Variants in PTPRR observed in about 807,000 individuals in gnomAD.
PTPRR encodes receptor-type tyrosine-protein phosphatase R.
A neutral mutation model predicts 77.2 loss-of-function variants in PTPRR; 38 were observed. That is an observed-to-expected ratio of 0.49 (90% CI 0.38 to 0.65). The LOEUF (loss-of-function observed/expected upper bound fraction) is 0.65, where lower values mean the gene tolerates loss of function less well. PTPRR is among the 30% of genes least tolerant of loss of function. PTPRR has a pLI of 0.00. For synonymous variants in PTPRR, 299 were observed against 283.1 expected (o/e 1.06, Z -0.57); for missense variants, 744 against 799.2 (o/e 0.93, Z 0.83).
chr12:70,900,497 C>T (rs773364764), intron 1 of PTPRR, among the ~76,000 whole-genome samples: 35 of 151,256 alleles, frequency 2.3e-4, no homozygotes, highest in Non-Finnish European at 1.5e-4. Flanking sequence ...CCCAAAAGCA[C>T]AGGCAACTGA....
intron 10 of PTPRR, among the ~76,000 whole-genome samples, chr12:70,664,144 T>C (rs1886894701): frequency 6.6e-6 from 1 of 152,184 alleles, no homozygotes; most frequent in Non-Finnish European, 1.5e-5. Context: ...ATGAAGTAAA[T>C]TGTTTCAGCT....
chr12:70,772,864 C>T (rs1513095), intron 2 of PTPRR, among the ~76,000 whole-genome samples: 33,735 of 151,882 alleles, frequency 0.22, 4,240 homozygotes, highest in Admixed American at 0.3. Flanking sequence ...TAAAATTTAT[C>T]TTACTTTATT....
chr12:70,741,449 A>G (rs1463480195), intron 6 of PTPRR, among the ~76,000 whole-genome samples: 1 of 152,206 alleles, frequency 6.6e-6, no homozygotes, highest in Non-Finnish European at 1.5e-5. Flanking sequence ...GGCTTCCAAG[A>G]GGAAGTGATG....
At chr12:70,730,908 G>A (rs1212354939) in intron 6 of PTPRR, among the ~76,000 whole-genome samples, 2 of 149,204 alleles carry the variant, frequency 1.3e-5, no homozygotes, top group African/African-American at 4.9e-5. Context: ...GAGAGAGAGA[G>A]ACAGAGAATG....
At chr12:70,895,060 C>T (rs1893403233) in intron 1 of PTPRR, among the ~76,000 whole-genome samples, 1 of 151,482 alleles carries the variant, frequency 6.6e-6, no homozygotes, top group South Asian at 2.1e-4. Context: ...AGAAAATAAC[C>T]CATCTTTATA....
At chr12:70,824,873 A>G (rs754348579) in intron 2 of PTPRR, among the ~76,000 whole-genome samples, 10 of 152,204 alleles carry the variant, frequency 6.6e-5, no homozygotes, top group Non-Finnish European at 1.5e-4. Context: ...AATCATGAAC[A>G]TCTTAAGTGC....
At chr12:70,825,490 T>C (rs907754) in intron 2 of PTPRR, among the ~76,000 whole-genome samples, 7,879 of 152,078 alleles carry the variant, frequency 0.052, 682 homozygotes, top group African/African-American at 0.18. Context: ...GAATCAGCCC[T>C]CTACCACCCA....
At chr12:70,805,191 G>T (rs1018058098) in intron 2 of PTPRR, among the ~76,000 whole-genome samples, 1 of 151,936 alleles carries the variant, frequency 6.6e-6, no homozygotes, top group African/African-American at 2.4e-5. Flanking sequence ...AGATCTTACT[G>T]ATGGACATTT....
In PTPRR at chr12:70,803,517, G is replaced by A. The variant is rs116132446; in HGVS notation, c.358-38739C>T. On this transcript the variant is annotated intron_variant, in intron 2 of 13. Coordinates refer to ENST00000283228, the MANE Select transcript of PTPRR (RefSeq NM_002849.4). ...AACATGTAACAACTTGAAGCTTGTG[G>A]TAAAAAGATCAGTTGGAAGATCTCA... 2.3e-3 allele frequency among the ~76,000 whole-genome samples: 347 copies of A among 152,250 alleles called. 2 individuals are homozygous for A. Among genetic ancestry groups the A allele is most frequent in the Middle Eastern group, 0.01 (3 of 294 alleles).
intron 2 of PTPRR, among the ~76,000 whole-genome samples, chr12:70,841,800 T>C (rs1892402606): frequency 6.6e-6 from 1 of 152,170 alleles, no homozygotes; most frequent in Non-Finnish European, 1.5e-5. Flanking sequence ...TTTCTCATGG[T>C]ATTAGTTTTC....
At chr12:70,644,336 A>G (rs78492205) in intron 13 of PTPRR, among the ~76,000 whole-genome samples, 5,470 of 152,296 alleles carry the variant, frequency 0.036, 302 homozygotes, top group African/African-American at 0.12. Flanking sequence ...GTTTACCAAA[A>G]AAGAGTAAGG....
At chr12:70,868,641 G>C (rs1442201527) in intron 2 of PTPRR, among the ~76,000 whole-genome samples, 5 of 151,940 alleles carry the variant, frequency 3.3e-5, no homozygotes, top group Non-Finnish European at 7.4e-5. Flanking sequence ...ATTCCTCAGG[G>C]ATCTAGAACT....
intron 6 of PTPRR, among the ~76,000 whole-genome samples, chr12:70,723,008 C>T (rs183858864): frequency 3.9e-5 from 6 of 152,210 alleles, no homozygotes; most frequent in African/African-American, 1.4e-4. Context: ...TTTAGATGTG[C>T]GGGTCAACAA....
intron 2 of PTPRR, among the ~76,000 whole-genome samples, chr12:70,875,291 G>A (rs546350876): frequency 5.0e-4 from 76 of 152,288 alleles, no homozygotes; most frequent in African/African-American, 1.8e-3. Flanking sequence ...ATATGGATAT[G>A]TGTAGGTATA....
intron 11 of PTPRR, among the ~76,000 whole-genome samples, chr12:70,662,172 A>G (rs1886822012): frequency 6.6e-6 from 1 of 152,270 alleles, no homozygotes; most frequent in South Asian, 2.1e-4. Context: ...ATTAAAAAAA[A>G]TCATGGTAAA....
chr12:70,708,915 C>T (rs1391156533), intron 6 of PTPRR, among the ~76,000 whole-genome samples: 1 of 151,550 alleles, frequency 6.6e-6, no homozygotes, highest in Non-Finnish European at 1.5e-5. Context: ...ACCAAAGAAC[C>T]CTTTTAATCC....
At chr12:70,872,929 T>G (rs912876696) in intron 2 of PTPRR, among the ~76,000 whole-genome samples, 1 of 152,150 alleles carries the variant, frequency 6.6e-6, no homozygotes, top group Non-Finnish European at 1.5e-5. Flanking sequence ...ATATCTGGCA[T>G]TTGTGCATAA....
chr12:70,886,675 C>A (rs181151821), intron 2 of PTPRR, among the ~76,000 whole-genome samples: 2 of 152,010 alleles, frequency 1.3e-5, no homozygotes, highest in Non-Finnish European at 2.9e-5. Context: ...AAATGTAAAA[C>A]GAGATCATAT....
At chr12:70,764,806 A>C in intron 2 of PTPRR, 28 bp from the exon 3 acceptor site, 1 of 1,489,430 alleles carries the variant, frequency 6.7e-7, no homozygotes, top group Non-Finnish European at 9.4e-7. Context: ...AAATAAATCC[A>C]AATTATAGTA....
Sources: gnomAD v4.1 joint callset for allele counts (sites outside exome capture counted in the v4.1 genomes callset) on GRCh38, gnomAD v4.1.1 for gene constraint, MANE v1.5 for transcripts, NCBI Gene and HGNC (gene_info 2026-07-23, HGNC 2026-07-21) for gene names.